Variants in FKBP8 observed in about 807,000 individuals in gnomAD.
FKBP8 encodes FKBP prolyl isomerase 8.
In FKBP8, 5 loss-of-function variants were observed where a neutral mutation model predicts 41.7. The ratio of observed to expected loss-of-function variants is 0.12; its 90% CI spans 0.06 to 0.25. The LOEUF is 0.25. Among genes scored for constraint, FKBP8 ranks in the 10% least tolerant of loss-of-function variants. The pLI is 1.00. For missense variants in FKBP8, 397 were observed against 563.0 expected (o/e 0.71, Z 2.98); for synonymous variants, 279 against 254.5 (o/e 1.10, Z -0.92).
rs1463798249 is a variant in FKBP8, at chr19:18,537,221, C to G, written c.945+380G>C. On this transcript the variant is annotated intron_variant, in intron 6 of 8. Coordinates refer to ENST00000608443, the MANE Select transcript of FKBP8 (RefSeq NM_012181.5). This position sits in a 1 kb window ranked among gnomAD's most constrained non-coding sequence, Gnocchi z 4.4. ...GGTGTGGTGGCTCGCACCTGTAGTC[C>G]CAGCTACTTGGGAGGTTGAGGCAGG... Among the ~76,000 whole-genome samples, 1 of 152,068 alleles carries G rather than the reference C, an allele frequency of 6.6e-6. No homozygotes were observed. The highest frequency in any genetic ancestry group is 1.5e-5 in the Non-Finnish European group (1 of 68,020).
At chr19:18,540,669 C>G (rs1399574301) in intron 2 of FKBP8, among the ~76,000 whole-genome samples, 1 of 151,470 alleles carries the variant, frequency 6.6e-6, no homozygotes, top group Non-Finnish European at 1.5e-5. Flanking sequence ...GTCAGGAGTT[C>G]GAGACCAGCC....
At chr19:18,534,752 T>C (rs1486648325) in intron 6 of FKBP8, among the ~76,000 whole-genome samples, 1 of 150,760 alleles carries the variant, frequency 6.6e-6, no homozygotes, top group Non-Finnish European at 1.5e-5. Flanking sequence ...CAACGAATTA[T>C]TTATTTATGT....
rs2145190587 is a variant in FKBP8, at chr19:18,538,553, T to A, written c.552-117A>T. The A allele has an allele frequency of 1.3e-6, 1 of 795,098 alleles. No homozygotes were observed. Among genetic ancestry groups the A allele is most frequent in the Non-Finnish European group, 2.0e-6 (1 of 512,246 alleles). The allele number at this position is 795,098 out of a possible 1,614,324, so 49.3% of individuals were successfully genotyped here. ...CCCCCGATCTGTCTCCCCTCTGCCCTCCATCATTCCCTCCTCAGTAAAGTG... is the reference window on the plus strand; with the variant it reads ...CCCCCGATCTGTCTCCCCTCTGCCCACCATCATTCCCTCCTCAGTAAAGTG... On this transcript the variant is annotated intron_variant, in intron 4 of 8. Coordinates refer to ENST00000608443, the MANE Select transcript of FKBP8 (RefSeq NM_012181.5). This position sits in a 1 kb window ranked among gnomAD's most constrained non-coding sequence, Gnocchi z 4.0.
chr19:18,543,027 T>G, intron 1 of FKBP8: 8 of 422,424 alleles, frequency 1.9e-5, no homozygotes, highest in Non-Finnish European at 2.9e-5. Flanking sequence ...ACGGGCCAGC[T>G]CCCCCCACAG....
rs1438019537 is a variant in FKBP8, at chr19:18,541,887, A to C, written c.84T>G (p.Asp28Glu). The change falls in exon 2 of 9, where the codon GAT becomes GAG. Residue 28 changes from aspartate to glutamate, a missense_variant. Asp to Glu is a conservative substitution (Grantham distance 45, BLOSUM62 2). Coordinates refer to ENST00000608443, the MANE Select transcript of FKBP8 (RefSeq NM_012181.5). Reference sequence around the variant, plus strand: ...CCTCACCCTCTGCATCCTCAACCCCATCCAGTACCTCGAAGTCCTCGAGCG... The same window carrying C: ...CCTCACCCTCTGCATCCTCAACCCCCTCCAGTACCTCGAAGTCCTCGAGCG... ...VPPLEDFEVL[D>E]GVEDAEGEEE... The C allele has an allele frequency of 6.2e-7, 1 of 1,613,594 alleles. No individual in the cohort carries two copies. Among genetic ancestry groups the C allele is most frequent in the Non-Finnish European group, 8.5e-7 (1 of 1,179,912 alleles).
At position 18,538,384 on chromosome 19, in the gene FKBP8, T is replaced by C. The variant is rs1172704687; in HGVS notation, c.604A>G (p.Lys202Glu). Residue 202 changes from lysine to glutamate, a missense_variant, in exon 5 of 9, where the codon AAG becomes GAG. This residue lies in a region of FKBP8 where 225 missense variants were observed against 366.8 expected (regional missense o/e 0.61). Transcript: ENST00000608443. The surrounding 1 kb of genome is among the most constrained non-coding windows in gnomAD (Gnocchi z 4.0). ...AGGTCAGGCCCGTCCACAGCCGTCT[T>C]CAGGGTCACCTCCAGGCACAGGGCC... ...HAALCLEVTLKTAVDGPDLEM... is the reference protein window; with the variant it reads ...HAALCLEVTLETAVDGPDLEM... 6.2e-7 allele frequency: 1 copy of C among 1,613,576 alleles called. No homozygotes were observed. Among genetic ancestry groups the C allele is most frequent in the Non-Finnish European group, 8.5e-7 (1 of 1,179,984 alleles).
Position 18,537,907 on chromosome 19 carries a change from C to T in FKBP8, c.773-134G>A, listed in dbSNP as rs995818610. 1.0e-5 allele frequency: 10 copies of T among 958,748 alleles called. No homozygotes were observed. The Admixed American group carries it at 2.4e-4, about 23-fold the overall frequency. 59.4% of individuals were successfully genotyped at this position (958,748 alleles called of 1,614,324 possible). On this transcript the variant is annotated intron_variant, in intron 5 of 8. Transcript: ENST00000608443. The surrounding 1 kb of genome is among the most constrained non-coding windows in gnomAD (Gnocchi z 4.4). The stretch of plus-strand genomic sequence containing the variant: ...ACCCCGGACCAAGGGCCACGCTTTC[C>T]TGGGGCTCTCCTGAGGAAGCTACAA...
Position 18,541,877 on chromosome 19 carries a change from C to A in FKBP8, c.94G>T (p.Asp32Tyr), listed in dbSNP as rs763260727. 6.2e-7 allele frequency: 1 copy of A among 1,613,936 alleles called. No individual in the cohort carries two copies. The highest frequency in any genetic ancestry group is 1.1e-5 in the South Asian group (1 of 91,056). Residue 32 changes from aspartate (D) to tyrosine (Y), a missense_variant, in exon 2 of 9, where the codon GAT (aspartate) becomes TAT (tyrosine). This residue lies in a region of FKBP8 where 172 missense variants were observed against 196.2 expected (regional missense o/e 0.88). Transcript: ENST00000608443. ...TCCTCTTCCTCCTCACCCTCTGCATCCTCAACCCCATCCAGTACCTCGAAG... is the reference window on the plus strand; with the variant it reads ...TCCTCTTCCTCCTCACCCTCTGCATACTCAACCCCATCCAGTACCTCGAAG... ...EDFEVLDGVE[D>Y]AEGEEEEEEE...
At chr19:18,541,436 G>C (rs1047232568) in intron 2 of FKBP8, among the ~76,000 whole-genome samples, 5 of 152,222 alleles carry the variant, frequency 3.3e-5, no homozygotes, top group Admixed American at 3.3e-4. Flanking sequence ...GCTCTGGGCA[G>C]GTGACTCAGC....
intron 1 of FKBP8, 73 bp from the exon 2 acceptor site, chr19:18,542,068 C>A: frequency 6.6e-7 from 1 of 1,507,836 alleles, no homozygotes; most frequent in African/African-American, 1.4e-5. Context: ...ACTGATTCCC[C>A]ACACTGCCGA....
At chr19:18,542,652 AC>A (rs1976731849) in intron 1 of FKBP8, among the ~76,000 whole-genome samples, 1 of 151,820 alleles carries the variant, frequency 6.6e-6, no homozygotes, top group South Asian at 2.1e-4. Flanking sequence ...AACATCAGGG[AC>A]CCTGGCCCAA....
chr19:18,535,445 T>TA (rs1976550710), intron 6 of FKBP8, among the ~76,000 whole-genome samples: 1 of 152,038 alleles, frequency 6.6e-6, no homozygotes, highest in African/African-American at 2.4e-5. Context: ...CAGCCTGCAC[T>TA]ATGCTGGTGC....
chr19:18,534,200 G>A (rs1568409175), intron 6 of FKBP8, among the ~76,000 whole-genome samples: 7 of 151,634 alleles, frequency 4.6e-5, no homozygotes, highest in African/African-American at 1.5e-4. Context: ...CCAGCTACTC[G>A]GGAGGCTGAG....
intron 2 of FKBP8, among the ~76,000 whole-genome samples, chr19:18,540,738 G>A (rs1976678752): frequency 6.6e-6 from 1 of 152,156 alleles, no homozygotes; most frequent in Non-Finnish European, 1.5e-5. Flanking sequence ...CAGGCATAGA[G>A]GTGGGCACCT....
Position 18,537,835 on chromosome 19 carries a change from AC to A in FKBP8, c.773-63del, listed in dbSNP as rs779814631. 2,447 of 1,524,194 alleles carry A rather than the reference AC, an allele frequency of 1.6e-3. 7 individuals are homozygous for A. Among genetic ancestry groups the A allele is most frequent in the Non-Finnish European group, 1.9e-3 (2,111 of 1,125,630 alleles). The allele number at this position is 1,524,194 out of a possible 1,614,324, so 94.4% of individuals were successfully genotyped here. A position where few individuals can be genotyped will look rare whatever the true frequency, so the allele number is the denominator to read the frequency against. The stretch of plus-strand genomic sequence containing the variant: ...CATGCCACCAGACACCCCGGCACCC[AC>A]CCCTCTGCGGAGGCTGCCTCTCTGG... On this transcript the variant is annotated intron_variant, in intron 5 of 8. Transcript: ENST00000608443. This position sits in a 1 kb window ranked among gnomAD's most constrained non-coding sequence, Gnocchi z 4.4.
chr19:18,534,516 C>G (rs910941755), intron 6 of FKBP8, among the ~76,000 whole-genome samples: 2 of 152,134 alleles, frequency 1.3e-5, no homozygotes, highest in Non-Finnish European at 2.9e-5. Flanking sequence ...ACCCACCTCG[C>G]TGCCTCCTCC....
chr19:18,533,988 G>A (rs1976510822), intron 6 of FKBP8, among the ~76,000 whole-genome samples: 2 of 132,120 alleles, frequency 1.5e-5, no homozygotes, highest in African/African-American at 2.9e-5. Context: ...CAGCCTGGGC[G>A]ACAGAGTGAG....
Position 18,538,046 on chromosome 19 carries a change from A to AT in FKBP8, c.772+169dup, listed in dbSNP as rs1976619363. On this transcript the variant is annotated intron_variant, in intron 5 of 8. Transcript: ENST00000608443. The surrounding 1 kb of genome is among the most constrained non-coding windows in gnomAD (Gnocchi z 4.0). ...TTCTACAACACTCCACTGGTCTGGG[A>AT]TATACCACGAGTCTGTAACAGGCCC... 1.3e-6 allele frequency: 1 copy of AT among 758,250 alleles called. No individual in the cohort carries two copies. Among genetic ancestry groups the AT allele is most frequent in the South Asian group, 1.8e-5 (1 of 55,392 alleles). 47.0% of individuals were successfully genotyped at this position (758,250 alleles called of 1,614,324 possible).
chr19:18,539,786 C>G (rs1441861052), intron 2 of FKBP8, 66 bp from the exon 3 acceptor site: 1 of 1,558,654 alleles, frequency 6.4e-7, no homozygotes. Flanking sequence ...CTCCCCTGAG[C>G]CCCCACTCCT....
Sources: gnomAD v4.1 joint callset for allele counts (sites outside exome capture counted in the v4.1 genomes callset) on GRCh38, gnomAD v4.1.1 for gene constraint, gnomAD v4.1.1 regional missense constraint, Gnocchi (gnomAD v3.1) non-coding constraint, MANE v1.5 for transcripts, NCBI Gene and HGNC (gene_info 2026-07-23, HGNC 2026-07-21) for gene names.